Variants in CHODL observed in about 807,000 individuals in gnomAD.
CHODL encodes transmembrane protein MT75.
CHODL carries 29 observed loss-of-function variants against 34.5 expected under a neutral mutation model. The ratio of observed to expected loss-of-function variants is 0.84; its 90% CI spans 0.63 to 1.15. The LOEUF (loss-of-function observed/expected upper bound fraction) is 1.15, where lower values mean the gene tolerates loss of function less well. Among genes scored for constraint, CHODL ranks in the 50% most tolerant of loss-of-function variants. The pLI is 0.00. For synonymous variants in CHODL, 125 were observed against 116.1 expected (o/e 1.08, Z -0.49); for missense variants, 332 against 332.5 (o/e 1.00, Z 0.01).
intron 1 of CHODL, among the ~76,000 whole-genome samples, chr21:17,936,811 C>G (rs1401146099): frequency 6.6e-6 from 1 of 152,008 alleles, no homozygotes; most frequent in Non-Finnish European, 1.5e-5. Flanking sequence ...CGTGGTGGCT[C>G]ACGCCTTTAA....
chr21:18,161,005 A>G (rs1246802334), intron 2 of CHODL, among the ~76,000 whole-genome samples: 1 of 151,882 alleles, frequency 6.6e-6, no homozygotes, highest in Non-Finnish European at 1.5e-5. Context: ...CTATTTTTTG[A>G]CTTTTTAATA....
chr21:18,261,891 C>G (rs2074386999), intron 4 of CHODL, among the ~76,000 whole-genome samples: 1 of 151,970 alleles, frequency 6.6e-6, no homozygotes, highest in Non-Finnish European at 1.5e-5. Context: ...TCTCGTGTCT[C>G]TGAGTCGTGA....
chr21:18,247,526 C>G (rs2406172), intron 1 of CHODL, among the ~76,000 whole-genome samples: 4 of 151,710 alleles, frequency 2.6e-5, no homozygotes, highest in African/African-American at 4.8e-5. Context: ...AGAGCATTAC[C>G]TAAAAATAAA....
intron 2 of CHODL, among the ~76,000 whole-genome samples, chr21:18,113,698 C>T (rs2065379001): frequency 6.6e-6 from 1 of 152,150 alleles, no homozygotes; most frequent in African/African-American, 2.4e-5. Context: ...CCAGGTCTCT[C>T]CTCCAACATT....
chr21:18,258,102 A>T (rs1431270182), intron 3 of CHODL, among the ~76,000 whole-genome samples: 4 of 152,130 alleles, frequency 2.6e-5, no homozygotes, highest in African/African-American at 9.7e-5. Flanking sequence ...TCTTTTTCTC[A>T]TAATACCAGA....
chr21:18,119,262 A>C (rs1167455558), intron 2 of CHODL, among the ~76,000 whole-genome samples: 1 of 151,650 alleles, frequency 6.6e-6, no homozygotes, highest in African/African-American at 2.4e-5. Context: ...TCATCCGCTG[A>C]TCTAGTATCT....
At chr21:18,191,779 C>T (rs896107760) in intron 2 of CHODL, among the ~76,000 whole-genome samples, 2 of 152,104 alleles carry the variant, frequency 1.3e-5, no homozygotes, top group Non-Finnish European at 2.9e-5. Flanking sequence ...CAGGGAGTAG[C>T]ATTGTGATTT....
intron 3 of CHODL, among the ~76,000 whole-genome samples, chr21:18,258,283 C>T (rs767839451): frequency 7.9e-5 from 12 of 151,962 alleles, no homozygotes; most frequent in Middle Eastern, 3.2e-3. Flanking sequence ...ATCTGTTATG[C>T]GCTTATGTCC....
chr21:18,017,731 C>A (rs1454179601), intron 1 of CHODL, among the ~76,000 whole-genome samples: 1 of 152,224 alleles, frequency 6.6e-6, no homozygotes, highest in Non-Finnish European at 1.5e-5. Flanking sequence ...AGTGTGCCCA[C>A]TGGGCCACTC....
chr21:18,202,809 A>G (rs2073669312), intron 2 of CHODL, among the ~76,000 whole-genome samples: 1 of 152,232 alleles, frequency 6.6e-6, no homozygotes, highest in Non-Finnish European at 1.5e-5. Flanking sequence ...AGTGACATCA[A>G]ATTTTCATAT....
intron 1 of CHODL, among the ~76,000 whole-genome samples, chr21:17,973,122 C>G (rs529512505): frequency 6.6e-6 from 1 of 152,152 alleles, no homozygotes; most frequent in East Asian, 1.9e-4. Context: ...CCTTCCTTAC[C>G]CCTTATACAA....
chr21:18,059,220 T>C (rs1230314142), intron 2 of CHODL, among the ~76,000 whole-genome samples: 1 of 152,120 alleles, frequency 6.6e-6, no homozygotes, highest in African/African-American at 2.4e-5. Context: ...TGAGGACACA[T>C]GAAAGCGGCC....
chr21:18,218,686 C>T (rs1479008221), intron 2 of CHODL, among the ~76,000 whole-genome samples: 1 of 152,138 alleles, frequency 6.6e-6, no homozygotes, highest in Non-Finnish European at 1.5e-5. Context: ...AAATTCCAAA[C>T]TTTTGTGCTC....
intron 1 of CHODL, among the ~76,000 whole-genome samples, chr21:18,020,810 TATAAG>T (rs1308376891): frequency 3.9e-5 from 6 of 152,118 alleles, no homozygotes; most frequent in African/African-American, 1.4e-4. Flanking sequence ...ATCATGTCTT[TATAAG>T]ATAAGATGGC....
intron 2 of CHODL, among the ~76,000 whole-genome samples, chr21:18,128,101 C>A (rs2072598300): frequency 6.6e-6 from 1 of 151,186 alleles, no homozygotes; most frequent in African/African-American, 2.4e-5. Context: ...GATATCGAGA[C>A]CATCCTGGCT....
chr21:18,082,048 A>T (rs1470141364), intron 2 of CHODL, among the ~76,000 whole-genome samples: 1 of 152,176 alleles, frequency 6.6e-6, no homozygotes, highest in Non-Finnish European at 1.5e-5. Flanking sequence ...TCCCCACCCA[A>T]ATCTCATCTG....
intron 2 of CHODL, among the ~76,000 whole-genome samples, chr21:18,231,195 C>T (rs913681061): frequency 6.6e-5 from 10 of 152,222 alleles, no homozygotes; most frequent in South Asian, 4.1e-4. Flanking sequence ...AACAAAGTAG[C>T]GGTATTCCAA....
At chr21:17,958,695 A>T (rs1156340155) in intron 1 of CHODL, among the ~76,000 whole-genome samples, 1 of 152,228 alleles carries the variant, frequency 6.6e-6, no homozygotes. Context: ...TAGGAGTCTA[A>T]GATGGTAGTT....
At chr21:17,964,051 T>G (rs1025092076) in intron 1 of CHODL, among the ~76,000 whole-genome samples, 1 of 152,210 alleles carries the variant, frequency 6.6e-6, no homozygotes, top group Non-Finnish European at 1.5e-5. Flanking sequence ...TGTCTTTGAC[T>G]GTGAAACTAT....
Sources: gnomAD v4.1 joint callset for allele counts (sites outside exome capture counted in the v4.1 genomes callset) on GRCh38, gnomAD v4.1.1 for gene constraint, MANE v1.5 for transcripts, NCBI Gene and HGNC (gene_info 2026-07-23, HGNC 2026-07-21) for gene names.